Variants in TNR observed in about 807,000 individuals in gnomAD.
TNR encodes the protein tenascin R.
A neutral mutation model predicts 150.4 loss-of-function variants in TNR; 45 were observed. The ratio of observed to expected loss-of-function variants is 0.30; its 90% CI spans 0.24 to 0.38. The LOEUF (loss-of-function observed/expected upper bound fraction) is 0.38, where lower values mean the gene tolerates loss of function less well. Ranked by LOEUF, TNR falls within the 10% of genes least tolerant of loss-of-function variation. TNR has a pLI of 1.00. For synonymous variants in TNR, 687 were observed against 678.4 expected (o/e 1.01, Z -0.20); for missense variants, 1,544 against 1,759.1 (o/e 0.88, Z 2.19).
At chr1:175,366,914 A>G (rs1651864989) in intron 10 of TNR, among the ~76,000 whole-genome samples, 1 of 152,132 alleles carries the variant, frequency 6.6e-6, no homozygotes, top group African/African-American at 2.4e-5. Context: ...TATGGCCTGC[A>G]ATGGCATCAA....
chr1:175,433,863 C>T (rs116689980), intron 2 of TNR, among the ~76,000 whole-genome samples: 138 of 152,316 alleles, frequency 9.1e-4, no homozygotes, highest in African/African-American at 2.9e-3. Context: ...CATTGCGTCA[C>T]GGAGACCACA....
chr1:175,631,112 A>G (rs1382875419), intron 1 of TNR, among the ~76,000 whole-genome samples: 2 of 152,260 alleles, frequency 1.3e-5, no homozygotes, highest in Non-Finnish European at 2.9e-5. Flanking sequence ...GAAAATAAAA[A>G]ATGCCCAAGT....
At chr1:175,410,867 T>G (rs535097309) in intron 2 of TNR, among the ~76,000 whole-genome samples, 1 of 152,326 alleles carries the variant, frequency 6.6e-6, no homozygotes, top group African/African-American at 2.4e-5. Context: ...AAATAATCTT[T>G]TGGTGTTTGA....
intron 1 of TNR, among the ~76,000 whole-genome samples, chr1:175,572,526 T>G (rs540441275): frequency 3.3e-4 from 50 of 152,230 alleles, no homozygotes; most frequent in African/African-American, 1.1e-3. Flanking sequence ...GCACCTTTGA[T>G]GCGGGTCACA....
intron 2 of TNR, among the ~76,000 whole-genome samples, chr1:175,480,603 G>A (rs562586709): frequency 6.6e-6 from 1 of 152,126 alleles, no homozygotes; most frequent in Non-Finnish European, 1.5e-5. Context: ...GCCCAGCGTC[G>A]TGCTAAGTAT....
chr1:175,683,069 G>A (rs1279521082), intron 1 of TNR, among the ~76,000 whole-genome samples: 1 of 152,076 alleles, frequency 6.6e-6, no homozygotes, highest in Non-Finnish European at 1.5e-5. Flanking sequence ...GTAGTCTGTG[G>A]GCCTGTGACA....
At chr1:175,332,453 G>C (rs1241181523) in intron 20 of TNR, among the ~76,000 whole-genome samples, 1 of 152,086 alleles carries the variant, frequency 6.6e-6, no homozygotes, top group Admixed American at 6.5e-5. Context: ...TCTGCTTCTA[G>C]AGAACCCCAT....
intron 17 of TNR, 83 bp downstream of exon 17, chr1:175,355,420 T>C (rs983638281): frequency 6.5e-7 from 1 of 1,545,580 alleles, no homozygotes; most frequent in South Asian, 1.2e-5. Flanking sequence ...CTCCCTCCAA[T>C]GTCCTGTGGT....
chr1:175,660,577 C>T (rs1665334939), intron 1 of TNR, among the ~76,000 whole-genome samples: 1 of 152,208 alleles, frequency 6.6e-6, no homozygotes, highest in Non-Finnish European at 1.5e-5. Flanking sequence ...TATACAAACC[C>T]TATAGAGGCA....
At chr1:175,379,836 C>G (rs376510979) in intron 8 of TNR, 99 bp from the exon 9 acceptor site, 2 of 1,324,898 alleles carry the variant, frequency 1.5e-6, no homozygotes, top group African/African-American at 2.9e-5. Context: ...ACAGCCCACA[C>G]CCCCTGACCC....
chr1:175,430,088 A>G (rs182279051), intron 2 of TNR, among the ~76,000 whole-genome samples: 7 of 150,764 alleles, frequency 4.6e-5, no homozygotes, highest in Admixed American at 3.3e-4. Context: ...ATTATAATAT[A>G]GATAATGATA....
intron 9 of TNR, among the ~76,000 whole-genome samples, chr1:175,368,262 G>C (rs1477503257): frequency 2.0e-5 from 3 of 152,228 alleles, no homozygotes; most frequent in Non-Finnish European, 4.4e-5. Context: ...TCCTTCTGGA[G>C]GCTCTAGGAG....
chr1:175,379,614 T>C lies in TNR; in HGVS notation c.1901A>G (p.Glu634Gly), dbSNP rs1466889039. The change falls in exon 9 of 23, where the codon GAG (glutamate) becomes GGG (glycine). Residue 634 changes from glutamate (E) to glycine (G), a missense_variant. Glu to Gly is a moderately conservative substitution (Grantham distance 98). This residue lies in a region of TNR where 1,254 missense variants were observed against 1,329.4 expected (regional missense o/e 0.94). Transcript: ENST00000367674. ...GGGGACCAGTACCTCATGATATTGC[T>C]CACCCGCCAGGGTGCTGTACACAAC... ...YKVVYSTLAG[E>G]QYHEVLVPRG... 1 of 1,614,120 alleles carries C rather than the reference T, an allele frequency of 6.2e-7. No homozygotes were observed.
chr1:175,713,416 G>A (rs569398070), intron 1 of TNR, among the ~76,000 whole-genome samples: 3 of 152,014 alleles, frequency 2.0e-5, no homozygotes, highest in Admixed American at 1.3e-4. Flanking sequence ...AACATTGTGG[G>A]TTGAATAAGC....
chr1:175,503,288 G>A (rs561505106), intron 2 of TNR, among the ~76,000 whole-genome samples: 137 of 152,282 alleles, frequency 9.0e-4, no homozygotes, highest in Admixed American at 1.6e-3. Context: ...CTTATGCCTC[G>A]GTGCTCAGAG....
intron 1 of TNR, among the ~76,000 whole-genome samples, chr1:175,622,295 G>T (rs1454138586): frequency 1.3e-5 from 2 of 152,178 alleles, no homozygotes; most frequent in African/African-American, 4.8e-5. Flanking sequence ...CAGGGAATCA[G>T]GTGTTTGCAG....
At chr1:175,426,312 C>T (rs768654084) in intron 2 of TNR, among the ~76,000 whole-genome samples, 2 of 152,122 alleles carry the variant, frequency 1.3e-5, no homozygotes, top group African/African-American at 4.8e-5. Flanking sequence ...GCTTCTTGCT[C>T]CTGGGATACT....
rs575867372 is a variant in TNR, at chr1:175,610,215, GAC to G, written c.-164-81848_-164-81847del. ...CATGGGAATGTTGAGTTTTACCTAA[GAC>G]ACATGATCCTGGAAAACAGAGAAGG... is the stretch of plus-strand genomic sequence containing the variant. On this transcript the variant is annotated intron_variant, in intron 1 of 22. Coordinates refer to ENST00000367674, the MANE Select transcript of TNR (RefSeq NM_003285.3). Among the ~76,000 whole-genome samples the G allele has an allele frequency of 1.4e-4, 22 of 152,278 alleles. 1 individual carries two copies. The East Asian group carries it at 3.7e-3, about 25-fold the overall frequency.
At chr1:175,659,184 G>A (rs148600264) in intron 1 of TNR, among the ~76,000 whole-genome samples, 17 of 152,322 alleles carry the variant, frequency 1.1e-4, no homozygotes, top group African/African-American at 4.1e-4. Context: ...ATCCTTATCA[G>A]GTAAGTGAGG....
Sources: allele counts gnomAD v4.1 joint callset (sites outside exome capture counted in the v4.1 genomes callset), GRCh38; gene constraint gnomAD v4.1.1; regional missense constraint gnomAD v4.1.1; transcripts MANE v1.5; gene names NCBI Gene and HGNC (gene_info 2026-07-23, HGNC 2026-07-21).